The following CHRNA7 variants were observed in gnomAD, a reference collection of about 807,000 sequenced individuals.
CHRNA7 encodes neuronal acetylcholine receptor subunit alpha-7.
A neutral mutation model predicts 48.0 loss-of-function variants in CHRNA7; 17 were observed. That is an observed-to-expected ratio of 0.35 (90% CI 0.24 to 0.53). The LOEUF is 0.53. Ranked by LOEUF, CHRNA7 falls within the 20% of genes least tolerant of loss-of-function variation. The pLI, the probability that CHRNA7 is intolerant of heterozygous loss-of-function variation, is 0.92. For synonymous variants in CHRNA7, 75 were observed against 242.3 expected (o/e 0.31, Z 6.41); for missense variants, 155 against 577.7 (o/e 0.27, Z 7.50).
chr15:32,153,163 A>G (rs867392293), intron 4 of CHRNA7, among the ~76,000 whole-genome samples: 3 of 152,038 alleles, frequency 2.0e-5, no homozygotes, highest in South Asian at 2.1e-4. Context: ...GCTCACGCCT[A>G]TAATCCCAGC....
At chr15:32,146,838 A>G (rs2051498661) in intron 4 of CHRNA7, among the ~76,000 whole-genome samples, 1 of 152,236 alleles carries the variant, frequency 6.6e-6, no homozygotes, top group Non-Finnish European at 1.5e-5. Context: ...CTGTACAAGT[A>G]AATTTAAAAT....
chr15:32,052,136 C>T (rs1455414769), intron 2 of CHRNA7, among the ~76,000 whole-genome samples: 2 of 152,016 alleles, frequency 1.3e-5, no homozygotes, highest in African/African-American at 4.8e-5. Context: ...CCCCTCTCTT[C>T]CTGGATCTTG....
intron 2 of CHRNA7, among the ~76,000 whole-genome samples, chr15:32,071,595 T>A (rs2050059184): frequency 6.6e-6 from 1 of 152,116 alleles, no homozygotes; most frequent in South Asian, 2.1e-4. Context: ...TTGGAGCAGA[T>A]CCCTCATGAA....
intron 3 of CHRNA7, among the ~76,000 whole-genome samples, chr15:32,108,315 A>T (rs2141273787): frequency 6.6e-6 from 1 of 152,300 alleles, no homozygotes. Context: ...AAGGAATCTC[A>T]CAAAAGGAGG....
intron 2 of CHRNA7, among the ~76,000 whole-genome samples, chr15:32,070,268 C>T (rs1313869678): frequency 6.6e-6 from 1 of 152,098 alleles, no homozygotes; most frequent in Non-Finnish European, 1.5e-5. Flanking sequence ...TCAGCTTCCT[C>T]TAACCTCCAG....
At chr15:32,103,481 C>T (rs1358238897) in intron 3 of CHRNA7, among the ~76,000 whole-genome samples, 3 of 151,000 alleles carry the variant, frequency 2.0e-5, no homozygotes, top group African/African-American at 7.3e-5. Flanking sequence ...CCAAGGTGCA[C>T]CCATAGCTAC....
At chr15:32,067,807 T>C (rs1197435489) in intron 2 of CHRNA7, among the ~76,000 whole-genome samples, 1 of 152,200 alleles carries the variant, frequency 6.6e-6, no homozygotes, top group African/African-American at 2.4e-5. Flanking sequence ...ACTATTGCTT[T>C]AAGTTAGTAT....
intron 2 of CHRNA7, among the ~76,000 whole-genome samples, chr15:32,047,451 C>G (rs1364447790): frequency 6.6e-6 from 1 of 152,082 alleles, no homozygotes; most frequent in Non-Finnish European, 1.5e-5. Flanking sequence ...TGGGAGTTCA[C>G]TCATGATTTG....
chr15:32,072,921 G>T (rs1281618889), intron 2 of CHRNA7, among the ~76,000 whole-genome samples: 1 of 152,204 alleles, frequency 6.6e-6, no homozygotes, highest in Non-Finnish European at 1.5e-5. Context: ...TACCATGGAG[G>T]GCGTCTAATA....
At chr15:32,103,918 C>T (rs1295381641) in intron 3 of CHRNA7, among the ~76,000 whole-genome samples, 6 of 152,304 alleles carry the variant, frequency 3.9e-5, no homozygotes, top group South Asian at 4.1e-4. Flanking sequence ...CCTGCAAAAC[C>T]GATCCAGGAT....
rs150158446 is a variant in CHRNA7 at position 32,114,440 on chromosome 15, C to T, written c.350+2541C>T. Among the ~76,000 whole-genome samples, 38 of 152,218 alleles carry T rather than the reference C, an allele frequency of 2.5e-4. No homozygotes were observed. In the East Asian group the frequency reaches 7.2e-3, roughly 29 times the overall value. ...CCCAGCTGCCGGTGCAGAACCCCAT[C>T]GCTCACACATCTGTTGAGCTCTACT... On this transcript the variant is annotated intron_variant, in intron 4 of 9. Transcript: ENST00000306901.
intron 4 of CHRNA7, among the ~76,000 whole-genome samples, chr15:32,113,388 T>A (rs1306780250): frequency 1.3e-5 from 2 of 152,314 alleles, no homozygotes; most frequent in South Asian, 4.2e-4. Flanking sequence ...AGCCACACTC[T>A]GAGGCACCAG....
At chr15:32,050,081 T>C (rs1219503953) in intron 2 of CHRNA7, among the ~76,000 whole-genome samples, 1 of 152,198 alleles carries the variant, frequency 6.6e-6, no homozygotes, top group African/African-American at 2.4e-5. Context: ...CCTTAACGTT[T>C]TTTCTTTCAT....
At chr15:32,166,128 AAAC>A (rs2052120099) in intron 9 of CHRNA7, 1 of 152,250 alleles carries the variant, frequency 6.6e-6, no homozygotes, top group South Asian at 2.1e-4. Flanking sequence ...GGGAAAGGCT[AAAC>A]ATGTGAAGTG....
rs71113441 is a variant in CHRNA7 at position 32,070,669 on chromosome 15, C to CTTTT, written c.196-30602_196-30599dup. 1.3e-3 allele frequency among the ~76,000 whole-genome samples: 53 copies of CTTTT among 40,894 alleles called. 10 individuals carry two copies. Among genetic ancestry groups the CTTTT allele is most frequent in the South Asian group, 2.6e-3 (2 of 762 alleles). The allele number at this position is 40,894 out of a possible 152,430, so 26.8% of individuals were successfully genotyped here. Reference sequence around the variant, plus strand: ...TGTGTGAACATGTGAGGTTTAGTTCCTTTTTTTTTTTTTTTTTTTTTTTTT... The same window carrying CTTTT: ...TGTGTGAACATGTGAGGTTTAGTTCCTTTTTTTTTTTTTTTTTTTTTTTTTTTTT... On this transcript the variant is annotated intron_variant, in intron 2 of 9. Transcript: ENST00000306901.
intron 3 of CHRNA7, among the ~76,000 whole-genome samples, chr15:32,109,321 A>G (rs1414392966): frequency 6.6e-6 from 1 of 152,106 alleles, no homozygotes; most frequent in African/African-American, 2.4e-5. Context: ...TCTCGTGGCC[A>G]TCTTGGTTTT....
At chr15:32,075,786 T>C (rs2050127750) in intron 2 of CHRNA7, among the ~76,000 whole-genome samples, 1 of 151,974 alleles carries the variant, frequency 6.6e-6, no homozygotes, top group South Asian at 2.1e-4. Flanking sequence ...GATAGGAGCT[T>C]ATATTATTTT....
chr15:32,100,588 T>C (rs575011137), intron 2 of CHRNA7: 2 of 154,656 alleles, frequency 1.3e-5, no homozygotes, highest in Admixed American at 1.3e-4. Flanking sequence ...GAGGCAGAAC[T>C]CAGGGAGGTG....
At chr15:32,075,665 T>C (rs529098602) in intron 2 of CHRNA7, among the ~76,000 whole-genome samples, 4 of 152,200 alleles carry the variant, frequency 2.6e-5, no homozygotes, top group African/African-American at 9.6e-5. Context: ...TATCATTGAT[T>C]TTCTCTATTG....
Sources: allele counts gnomAD v4.1 joint callset (sites outside exome capture counted in the v4.1 genomes callset), GRCh38; gene constraint gnomAD v4.1.1; transcripts MANE v1.5; gene names NCBI Gene and HGNC (gene_info 2026-07-23, HGNC 2026-07-21).